The following XKR4 variants were observed in gnomAD, a reference collection of about 807,000 sequenced individuals.
The protein encoded by XKR4 is XK related 4, also known as XK-related protein 4.
In XKR4, 12 loss-of-function variants were observed where a neutral mutation model predicts 53.9. The observed-to-expected ratio is 0.22, with a 90% CI of 0.14 to 0.36. The LOEUF (loss-of-function observed/expected upper bound fraction) is 0.36, where lower values mean the gene tolerates loss of function less well. Ranked by LOEUF, XKR4 falls within the 10% of genes least tolerant of loss-of-function variation. The probability of loss-of-function intolerance (pLI) is 1.00; values close to 1 mark genes in which losing one functional copy is unlikely to be tolerated. For missense variants in XKR4, 799 were observed against 859.5 expected (o/e 0.93, Z 0.88); for synonymous variants, 354 against 362.4 (o/e 0.98, Z 0.26).
chr8:55,355,633 G>A (rs902477139), intron 1 of XKR4, among the ~76,000 whole-genome samples: 2 of 152,138 alleles, frequency 1.3e-5, no homozygotes. Flanking sequence ...AAAAGATCAA[G>A]TAGCTTATAA....
chr8:55,461,504 T>G (rs976710002), intron 2 of XKR4, among the ~76,000 whole-genome samples: 3 of 152,020 alleles, frequency 2.0e-5, no homozygotes, highest in Non-Finnish European at 4.4e-5. Context: ...CAAAGGTAGA[T>G]AAAACCACAA....
chr8:55,298,926 A>G (rs1052587949), intron 1 of XKR4, among the ~76,000 whole-genome samples: 3 of 152,212 alleles, frequency 2.0e-5, no homozygotes, highest in African/African-American at 7.2e-5. Context: ...GTTATTCTCT[A>G]TTGGAACAGT....
At position 55,537,340 on chromosome 8, in the gene XKR4, T is replaced by C. The variant is rs1807044629; in HGVS notation, c.*13113T>C. 1 of 152,246 alleles carries C rather than the reference T, an allele frequency of 6.6e-6. No individual in the cohort carries two copies. Among genetic ancestry groups the C allele is most frequent in the Non-Finnish European group, 1.5e-5 (1 of 68,050 alleles). 9.4% of individuals were successfully genotyped at this position (152,246 alleles called of 1,614,324 possible). A position where few individuals can be genotyped will look rare whatever the true frequency, so the allele number is the denominator to read the frequency against. On this transcript the variant is annotated 3_prime_UTR_variant, in exon 3 of 3. Coordinates refer to ENST00000327381, the MANE Select transcript of XKR4 (RefSeq NM_052898.2). The stretch of plus-strand genomic sequence containing the variant: ...TGATTATTTGTGGACATTTCTTCAT[T>C]GTGACTGTAGGAAGCTGAGCTTGTT...
chr8:55,483,592 TC>T (rs1014119775), intron 2 of XKR4, among the ~76,000 whole-genome samples: 1 of 151,692 alleles, frequency 6.6e-6, no homozygotes, highest in African/African-American at 2.4e-5. Flanking sequence ...ACAACACCCT[TC>T]AAAAATAATA....
At chr8:55,497,792 C>T (rs1396433487) in intron 2 of XKR4, among the ~76,000 whole-genome samples, 1 of 152,236 alleles carries the variant, frequency 6.6e-6, no homozygotes, top group Non-Finnish European at 1.5e-5. Flanking sequence ...ACACAACAGC[C>T]TGGGATTCTT....
intron 1 of XKR4, among the ~76,000 whole-genome samples, chr8:55,306,508 C>T (rs1159008694): frequency 6.6e-6 from 1 of 152,166 alleles, no homozygotes; most frequent in Non-Finnish European, 1.5e-5. Context: ...GGAAGCCTCA[C>T]TATCATGGCG....
chr8:55,323,449 T>G (rs1462441033), intron 1 of XKR4, among the ~76,000 whole-genome samples: 1 of 152,248 alleles, frequency 6.6e-6, no homozygotes, highest in East Asian at 1.9e-4. Flanking sequence ...TCATACAATA[T>G]GCAGCTTTTG....
At position 55,102,558 on chromosome 8, in the gene XKR4, A is replaced by G. The variant is rs760781990; in HGVS notation, c.70A>G (p.Asn24Asp). Residue 24 changes from asparagine (N) to aspartate (D), a missense_variant, in exon 1 of 3, where the codon AAC becomes GAC. Coordinates refer to ENST00000327381, the MANE Select transcript of XKR4 (RefSeq NM_052898.2). The surrounding 1 kb of genome is among the most constrained non-coding windows in gnomAD (Gnocchi z 5.1). ...SSDVAFTPLQ[N>D]SDHSGSVQGL... ...CGACGTGGCGTTCACCCCGCTGCAG[A>G]ACTCGGACCACTCGGGCTCGGTGCA... 6.4e-7 allele frequency: 1 copy of G among 1,552,448 alleles called. No individual in the cohort carries two copies. Among genetic ancestry groups the G allele is most frequent in the Non-Finnish European group, 8.7e-7 (1 of 1,146,842 alleles).
chr8:55,415,974 C>T (rs181396123), intron 2 of XKR4, among the ~76,000 whole-genome samples: 7 of 152,204 alleles, frequency 4.6e-5, no homozygotes, highest in Non-Finnish European at 5.9e-5. Flanking sequence ...CTCAGAGGAA[C>T]GGCAGAGTTG....
Position 55,103,023 on chromosome 8 carries a change from G to T in XKR4, c.535G>T (p.Ala179Ser). Residue 179 changes from alanine (A) to serine (S), a missense_variant, in exon 1 of 3, where the codon GCC (alanine) becomes TCC (serine). Physicochemically the swap from Ala to Ser is moderately conservative, Grantham distance 99 (BLOSUM62 1). Around this residue, in one of 3 missense-constraint regions of XKR4, gnomAD observed 476 missense variants for 505.4 expected, o/e 0.94. Coordinates refer to ENST00000327381, the MANE Select transcript of XKR4 (RefSeq NM_052898.2). ...TTTCAGCACCGAGGACAGCGCCACG[G>T]CCGCTGCTGCCTCCAGCTGCCCGCA... is the stretch of plus-strand genomic sequence containing the variant. ...HDFSTEDSATAAAASSCPQPG... is the reference protein window; with the variant it reads ...HDFSTEDSATSAAASSCPQPG... The T allele has an allele frequency of 1.2e-6, 2 of 1,612,406 alleles. No individual in the cohort carries two copies. Among genetic ancestry groups the T allele is most frequent in the Middle Eastern group, 1.7e-4 (1 of 6,052 alleles).
At chr8:55,213,392 C>G (rs1817755330) in intron 1 of XKR4, among the ~76,000 whole-genome samples, 1 of 152,160 alleles carries the variant, frequency 6.6e-6, no homozygotes, top group South Asian at 2.1e-4. Flanking sequence ...GCCAGTTTAT[C>G]AATCTGGGTG....
At chr8:55,110,457 C>G (rs1270962310) in intron 1 of XKR4, among the ~76,000 whole-genome samples, 1 of 152,144 alleles carries the variant, frequency 6.6e-6, no homozygotes, top group East Asian at 1.9e-4. Flanking sequence ...AACCCAGGCA[C>G]TATTCTTTCT....
chr8:55,345,423 G>A (rs916949226), intron 1 of XKR4, among the ~76,000 whole-genome samples: 5 of 152,200 alleles, frequency 3.3e-5, no homozygotes, highest in Admixed American at 2.6e-4. Flanking sequence ...GCCATGATGT[G>A]TAGCCACTGA....
intron 1 of XKR4, among the ~76,000 whole-genome samples, chr8:55,296,705 A>G (rs1437204768): frequency 2.0e-5 from 3 of 152,128 alleles, no homozygotes; most frequent in South Asian, 4.2e-4. Flanking sequence ...ACAGTTTTAG[A>G]TGGAAAGAAA....
Position 55,357,846 on chromosome 8 carries a change from C to T in XKR4, c.975C>T (p.Ile325=), listed in dbSNP as rs575102556. The T allele has an allele frequency of 3.7e-5, 60 of 1,614,068 alleles. No individual in the cohort carries two copies. In the South Asian group the frequency reaches 5.7e-4, roughly 15 times the overall value. Residue 325 remains isoleucine (I), a synonymous_variant, in exon 2 of 3, where the codon ATC becomes ATT. Coordinates refer to ENST00000327381, the MANE Select transcript of XKR4 (RefSeq NM_052898.2). ...AGCTGGTCCTGCAGCTCTGCATTAT[C>T]GTACAGACTCATAGCTTACAGGCCC... The part of the protein sequence containing the change: ...APQLVLQLCI[I]VQTHSLQALQ...
chr8:55,102,913 G>C lies in XKR4; in HGVS notation c.425G>C (p.Arg142Pro), dbSNP rs1353446582. ...LAVDYYLRGQ[R>P]WWFGLTLFFV... ...GTGGACTACTACCTGCGCGGCCAGC[G>C]CTGGTGGTTCGGGCTCACGCTCTTC... The change falls in exon 1 of 3, where the codon CGC becomes CCC. Residue 142 changes from arginine to proline, a missense_variant. Transcript: ENST00000327381. The surrounding 1 kb of genome is among the most constrained non-coding windows in gnomAD (Gnocchi z 5.1). 6 of 1,612,012 alleles carry C rather than the reference G, an allele frequency of 3.7e-6. No homozygotes were observed. Among genetic ancestry groups the C allele is most frequent in the Middle Eastern group, 3.3e-4 (2 of 6,062 alleles).
At chr8:55,406,494 A>C (rs1355646595) in intron 2 of XKR4, among the ~76,000 whole-genome samples, 2 of 152,280 alleles carry the variant, frequency 1.3e-5, no homozygotes, top group East Asian at 1.9e-4. Flanking sequence ...ATACATAAAT[A>C]TATACATGCA....
At chr8:55,134,473 A>G (rs1816597315) in intron 1 of XKR4, among the ~76,000 whole-genome samples, 1 of 152,254 alleles carries the variant, frequency 6.6e-6, no homozygotes, top group Non-Finnish European at 1.5e-5. Context: ...AAGAAGGCAG[A>G]GAAAAAGTCA....
chr8:55,179,975 T>C (rs1477701006), intron 1 of XKR4, among the ~76,000 whole-genome samples: 1 of 152,182 alleles, frequency 6.6e-6, no homozygotes, highest in African/African-American at 2.4e-5. Flanking sequence ...TAACAAGCTC[T>C]CCTAGAAGAC....
Sources: gnomAD v4.1 joint callset for allele counts (sites outside exome capture counted in the v4.1 genomes callset) on GRCh38, gnomAD v4.1.1 for gene constraint, gnomAD v4.1.1 regional missense constraint, Gnocchi (gnomAD v3.1) non-coding constraint, MANE v1.5 for transcripts, NCBI Gene and HGNC (gene_info 2026-07-23, HGNC 2026-07-21) for gene names.